Variants in SLC23A2 observed in about 807,000 individuals in gnomAD.
The protein encoded by SLC23A2 is solute carrier family 23 member 2, also known as Na(+)/L-ascorbic acid transporter 2.
Under a neutral mutation model 73.3 loss-of-function variants are expected in SLC23A2, and 36 were observed. The observed-to-expected ratio is 0.49, with a 90% CI of 0.38 to 0.65. The LOEUF is 0.65. SLC23A2 is among the 30% of genes least tolerant of loss of function. The pLI is 0.00. For missense variants in SLC23A2, 507 were observed against 841.6 expected (o/e 0.60, Z 4.92); for synonymous variants, 343 against 327.3 (o/e 1.05, Z -0.52).
At chr20:4,870,274 C>T (rs982659903) in intron 11 of SLC23A2, among the ~76,000 whole-genome samples, 3 of 152,136 alleles carry the variant, frequency 2.0e-5, no homozygotes, top group East Asian at 3.9e-4. Flanking sequence ...TGCACTGTGT[C>T]TTTAATTAAA....
At position 4,981,506 on chromosome 20, in the gene SLC23A2, T is replaced by C. The variant is rs764347992; in HGVS notation, c.-281-10587A>G. 2.5e-4 allele frequency among the ~76,000 whole-genome samples: 38 copies of C among 152,322 alleles called. No homozygotes were observed. In the East Asian group the frequency reaches 2.9e-3, roughly 12 times the overall value. ...TCTCATCAACTGCATCCTGGTCTCATGGATGTGGCCAGCATCCGTAGTTTT... is the reference window on the plus strand; with the variant it reads ...TCTCATCAACTGCATCCTGGTCTCACGGATGTGGCCAGCATCCGTAGTTTT... On this transcript the variant is annotated intron_variant, in intron 1 of 16. Transcript: ENST00000338244.
chr20:4,928,320 C>T (rs1932738933), intron 3 of SLC23A2, among the ~76,000 whole-genome samples: 1 of 152,226 alleles, frequency 6.6e-6, no homozygotes, highest in South Asian at 2.1e-4. Context: ...AGATTACAGG[C>T]CTGAGCATCC....
upstream of SLC23A2, among the ~76,000 whole-genome samples, chr20:5,003,922 T>A (rs1217898898): frequency 6.6e-6 from 1 of 152,144 alleles, no homozygotes; most frequent in Non-Finnish European, 1.5e-5. Flanking sequence ...GAAATTCTAT[T>A]CTTGTGATAA....
rs141098219 is a variant in SLC23A2 at position 4,958,394 on chromosome 20, G to A, written c.-155+12399C>T. On this transcript the variant is annotated intron_variant, in intron 2 of 16. Transcript: ENST00000338244. ...GGGGGAGAAATCACACCAGTAGGTG[G>A]ATGGCATCATTAAAATGGAGGTTTA... 5.5e-3 allele frequency among the ~76,000 whole-genome samples: 837 copies of A among 152,284 alleles called. 5 individuals are homozygous for A. Among genetic ancestry groups the A allele is most frequent in the Non-Finnish European group, 7.4e-3 (505 of 68,030 alleles).
Position 4,970,873 on chromosome 20 carries a change from A to G in SLC23A2, c.-235T>C, listed in dbSNP as rs1256560296. ...ACATTTGCTTATGCACCAAGGTCCA[A>G]GTTCAAAGCCGTATGAGAAGTCCCC... On this transcript the variant is annotated 5_prime_UTR_variant, in exon 2 of 17. Coordinates refer to ENST00000338244, the MANE Select transcript of SLC23A2 (RefSeq NM_005116.6). 6.6e-6 allele frequency: 1 copy of G among 152,248 alleles called. No homozygotes were observed. Among genetic ancestry groups the G allele is most frequent in the Non-Finnish European group, 1.5e-5 (1 of 68,046 alleles). The allele number at this position is 152,248 out of a possible 1,614,324, so 9.4% of individuals were successfully genotyped here. A position where few individuals can be genotyped will look rare whatever the true frequency, so the allele number is the denominator to read the frequency against.
chr20:4,862,696 C>G lies in SLC23A2; in HGVS notation c.1486+82G>C. The G allele has an allele frequency of 1.6e-6, 2 of 1,262,946 alleles. No homozygotes were observed. Among genetic ancestry groups the G allele is most frequent in the Non-Finnish European group, 2.2e-6 (2 of 898,522 alleles). The allele number at this position is 1,262,946 out of a possible 1,614,324, so 78.2% of individuals were successfully genotyped here. A position where few individuals can be genotyped will look rare whatever the true frequency, so the allele number is the denominator to read the frequency against. ...ATAGAAATTTATCGTTACCTTCTTA[C>G]TGAAGGGAGTCAGCAAAAACACCAT... On this transcript the variant is annotated intron_variant, in intron 14 of 16. Transcript: ENST00000338244. The surrounding 1 kb of genome is among the most constrained non-coding windows in gnomAD (Gnocchi z 5.1).
chr20:4,898,160 C>G (rs573932825), intron 6 of SLC23A2, among the ~76,000 whole-genome samples: 1 of 152,236 alleles, frequency 6.6e-6, no homozygotes. Context: ...CCCTGCCCTG[C>G]CCCCTGGGGG....
intron 1 of SLC23A2, among the ~76,000 whole-genome samples, chr20:4,986,538 T>G (rs2087829492): frequency 6.6e-6 from 1 of 151,938 alleles, no homozygotes; most frequent in South Asian, 2.1e-4. Flanking sequence ...GTTCTTGAAC[T>G]CCTGGCCTCA....
At chr20:4,912,751 G>T in intron 4 of SLC23A2, 129 bp downstream of exon 4, 1 of 684,774 alleles carries the variant, frequency 1.5e-6, no homozygotes, top group Non-Finnish European at 2.6e-6. Context: ...CAGCCCCTTG[G>T]GAGTCAGAGA....
intron 2 of SLC23A2, among the ~76,000 whole-genome samples, chr20:4,953,212 A>G (rs887413486): frequency 3.3e-5 from 5 of 152,104 alleles, no homozygotes; most frequent in Non-Finnish European, 7.4e-5. Flanking sequence ...AGGCTGAGGC[A>G]GTACAATCAC....
chr20:4,859,170 A>G (rs1929856270), intron 16 of SLC23A2, 119 bp downstream of exon 16: 1 of 680,176 alleles, frequency 1.5e-6, no homozygotes, highest in Admixed American at 2.3e-5. Flanking sequence ...AACAGTTATA[A>G]CCAGTGATGG....
intron 2 of SLC23A2, among the ~76,000 whole-genome samples, chr20:4,940,451 T>C (rs1455602207): frequency 4.0e-5 from 6 of 151,760 alleles, no homozygotes; most frequent in Admixed American, 2.6e-4. Context: ...AAAGTAACTA[T>C]TAGTCATTAA....
At chr20:4,905,349 C>G (rs548863313) in intron 4 of SLC23A2, among the ~76,000 whole-genome samples, 9 of 152,144 alleles carry the variant, frequency 5.9e-5, no homozygotes, top group Admixed American at 2.6e-4. Context: ...CTGTGCCCCC[C>G]CTCCTGATGA....
intron 6 of SLC23A2, among the ~76,000 whole-genome samples, chr20:4,886,147 C>T (rs1037105593): frequency 2.6e-5 from 4 of 152,216 alleles, no homozygotes; most frequent in African/African-American, 9.7e-5. Context: ...GGGTGGGCCC[C>T]GTGGTCAGTG....
chr20:4,904,378 T>C lies in SLC23A2; in HGVS notation c.208-1820A>G, dbSNP rs111326323. Among the ~76,000 whole-genome samples, 670 of 152,338 alleles carry C rather than the reference T, an allele frequency of 4.4e-3. 5 individuals are homozygous for C. The highest frequency in any genetic ancestry group is 0.015 in the African/African-American group (642 of 41,570). ...CACTGGGAGAGGATGGCTGCAAGCCTGTGCCTGGTGTCTCCTAGACCCTGC... is the reference window on the plus strand; with the variant it reads ...CACTGGGAGAGGATGGCTGCAAGCCCGTGCCTGGTGTCTCCTAGACCCTGC... On this transcript the variant is annotated intron_variant, in intron 4 of 16. Coordinates refer to ENST00000338244, the MANE Select transcript of SLC23A2 (RefSeq NM_005116.6).
intron 2 of SLC23A2, among the ~76,000 whole-genome samples, chr20:4,939,269 G>C (rs921350907): frequency 6.6e-6 from 1 of 152,102 alleles, no homozygotes; most frequent in Non-Finnish European, 1.5e-5. Flanking sequence ...ACTGATAAAT[G>C]ATTTTTTTAA....
intron 6 of SLC23A2, among the ~76,000 whole-genome samples, chr20:4,897,733 C>T (rs1329036206): frequency 6.6e-6 from 1 of 152,178 alleles, no homozygotes; most frequent in Admixed American, 6.5e-5. Flanking sequence ...CTTCTGTGTC[C>T]CATTAGCAAC....
At chr20:4,941,713 A>G (rs1421933889) in intron 2 of SLC23A2, among the ~76,000 whole-genome samples, 1 of 152,090 alleles carries the variant, frequency 6.6e-6, no homozygotes, top group Non-Finnish European at 1.5e-5. Context: ...AGGAAAAAAA[A>G]AAAAAAGTTG....
At chr20:4,906,046 G>C (rs1289876264) in intron 4 of SLC23A2, among the ~76,000 whole-genome samples, 2 of 152,200 alleles carry the variant, frequency 1.3e-5, no homozygotes, top group South Asian at 2.1e-4. Context: ...GGCCACAACA[G>C]ATCAGTTTTG....
Sources: allele counts gnomAD v4.1 joint callset (sites outside exome capture counted in the v4.1 genomes callset), GRCh38; gene constraint gnomAD v4.1.1; non-coding constraint Gnocchi (gnomAD v3.1); transcripts MANE v1.5; gene names NCBI Gene and HGNC (gene_info 2026-07-23, HGNC 2026-07-21).